Variants in SCD5 observed in about 807,000 individuals in gnomAD.
The protein encoded by SCD5 is acyl-CoA-desaturase 4.
SCD5 carries 20 observed loss-of-function variants against 30.4 expected under a neutral mutation model. The observed-to-expected ratio is 0.66, with a 90% CI of 0.46 to 0.96. SCD5 has a LOEUF of 0.96. Ranked by LOEUF, SCD5 falls within the 40% of genes least tolerant of loss-of-function variation. The pLI, the probability that SCD5 is intolerant of heterozygous loss-of-function variation, is 0.00. For synonymous variants in SCD5, 173 were observed against 176.4 expected (o/e 0.98, Z 0.16); for missense variants, 381 against 443.3 (o/e 0.86, Z 1.26).
At chr4:82,667,125 A>G (rs1227622605) in intron 3 of SCD5, among the ~76,000 whole-genome samples, 1 of 152,168 alleles carries the variant, frequency 6.6e-6, no homozygotes, top group African/African-American at 2.4e-5. Context: ...TAATATGTTT[A>G]CCATGCTAGT....
chr4:82,686,818 CA>C (rs33949953), intron 2 of SCD5, among the ~76,000 whole-genome samples: 141,611 of 152,014 alleles, frequency 0.93, 66,016 homozygotes, highest in East Asian at 1. Context: ...AACTAATTAA[CA>C]AAAAAAAGGC....
At chr4:82,709,884 G>A (rs998328873) in intron 1 of SCD5, among the ~76,000 whole-genome samples, 2 of 152,190 alleles carry the variant, frequency 1.3e-5, no homozygotes, top group Non-Finnish European at 2.9e-5. Context: ...ACTCACTGAC[G>A]GCCTGCCCTG....
chr4:82,794,268 A>C (rs1722160653), intron 1 of SCD5, among the ~76,000 whole-genome samples: 1 of 152,214 alleles, frequency 6.6e-6, no homozygotes, highest in Non-Finnish European at 1.5e-5. Flanking sequence ...CTGATCTATC[A>C]AAGGAAACAG....
chr4:82,738,731 A>G (rs1720806349), intron 1 of SCD5, among the ~76,000 whole-genome samples: 1 of 152,238 alleles, frequency 6.6e-6, no homozygotes, highest in Admixed American at 6.5e-5. Context: ...TCTCCACTGT[A>G]GTAGATACAA....
At chr4:82,711,109 G>A (rs1320295134) in intron 1 of SCD5, among the ~76,000 whole-genome samples, 2 of 152,102 alleles carry the variant, frequency 1.3e-5, no homozygotes, top group East Asian at 1.9e-4. Context: ...AATTGGAACC[G>A]TGCCTGGCAA....
At chr4:82,678,874 A>C (rs1728490925) in intron 3 of SCD5, among the ~76,000 whole-genome samples, 1 of 152,160 alleles carries the variant, frequency 6.6e-6, no homozygotes, top group Admixed American at 6.5e-5. Context: ...CATAGTGAAA[A>C]TCAACGTCAA....
intron 2 of SCD5, among the ~76,000 whole-genome samples, chr4:82,684,655 A>T (rs923768753): frequency 6.6e-6 from 1 of 152,148 alleles, no homozygotes; most frequent in African/African-American, 2.4e-5. Flanking sequence ...ATTAATGAGG[A>T]GGGAGAGATG....
chr4:82,636,469 C>A, intron 4 of SCD5, 122 bp downstream of exon 4: 1 of 636,638 alleles, frequency 1.6e-6, no homozygotes, highest in Non-Finnish European at 2.6e-6. Flanking sequence ...AAAAAAAAAG[C>A]TCAAGTTCAC....
intron 1 of SCD5, among the ~76,000 whole-genome samples, chr4:82,754,890 C>T (rs1222283363): frequency 6.6e-6 from 1 of 152,096 alleles, no homozygotes; most frequent in Non-Finnish European, 1.5e-5. Flanking sequence ...CAGAGCTGAG[C>T]CTCAGGAGTC....
At chr4:82,653,676 T>TGATAGATAGATGATAGATA (rs1727802335) in intron 3 of SCD5, among the ~76,000 whole-genome samples, 2 of 136,556 alleles carry the variant, frequency 1.5e-5, no homozygotes, top group African/African-American at 2.8e-5. Flanking sequence ...TGAAAGTCAA[T>TGATAGATAGATGATAGATA]GATAGATAGA....
chr4:82,643,792 G>T (rs1053031408), intron 3 of SCD5, among the ~76,000 whole-genome samples: 2 of 152,166 alleles, frequency 1.3e-5, no homozygotes, highest in Non-Finnish European at 2.9e-5. Flanking sequence ...AGAGCACAGG[G>T]GCAGAAATCA....
At chr4:82,790,379 C>T (rs200512512) in intron 1 of SCD5, among the ~76,000 whole-genome samples, 21 of 152,342 alleles carry the variant, frequency 1.4e-4, no homozygotes, top group East Asian at 1.9e-4. Flanking sequence ...TCCCTCTCCA[C>T]GTTATGTTCC....
intron 1 of SCD5, among the ~76,000 whole-genome samples, chr4:82,793,614 G>A (rs1282348969): frequency 6.6e-6 from 1 of 152,172 alleles, no homozygotes; most frequent in Non-Finnish European, 1.5e-5. Flanking sequence ...AAGAAAAGGG[G>A]CCAGTATTAG....
intron 3 of SCD5, among the ~76,000 whole-genome samples, chr4:82,647,574 G>T (rs578196214): frequency 1.1e-4 from 17 of 152,276 alleles, no homozygotes; most frequent in African/African-American, 3.9e-4. Context: ...ACAACAATGT[G>T]CTCTAAAGGT....
Position 82,787,797 on chromosome 4 carries a change from A to G in SCD5, c.232+10509T>C, listed in dbSNP as rs115609468. On this transcript the variant is annotated intron_variant, in intron 1 of 4. Transcript: ENST00000319540. ...TAAGCCCAACACTTTGGGAGGCTGA[A>G]GTGGAAGGATCATTTGAGGCTAGGA... 4.7e-3 allele frequency among the ~76,000 whole-genome samples: 716 copies of G among 152,238 alleles called. 3 individuals carry two copies. The highest frequency in any genetic ancestry group is 8.1e-3 in the Non-Finnish European group (549 of 68,004).
chr4:82,689,537 A>C (rs1312505498), intron 2 of SCD5, among the ~76,000 whole-genome samples: 1 of 152,234 alleles, frequency 6.6e-6, no homozygotes, highest in African/African-American at 2.4e-5. Flanking sequence ...TGGAAAAAGC[A>C]AACTTTTCTT....
At chr4:82,650,195 G>A (rs976085989) in intron 3 of SCD5, among the ~76,000 whole-genome samples, 1 of 152,192 alleles carries the variant, frequency 6.6e-6, no homozygotes, top group African/African-American at 2.4e-5. Context: ...AACTGGCTCA[G>A]TAAATAGAAA....
intron 3 of SCD5, among the ~76,000 whole-genome samples, chr4:82,656,970 TA>T (rs1421448163): frequency 8.5e-5 from 13 of 152,360 alleles, no homozygotes; most frequent in African/African-American, 2.9e-4. Flanking sequence ...TAAATTTGTT[TA>T]AGTTCTTTGT....
At chr4:82,687,080 A>C (rs1049614845) in intron 2 of SCD5, among the ~76,000 whole-genome samples, 1 of 151,594 alleles carries the variant, frequency 6.6e-6, no homozygotes, top group Non-Finnish European at 1.5e-5. Flanking sequence ...CTGAGGCAGG[A>C]GAATCGCTTG....
Sources: allele counts gnomAD v4.1 joint callset (sites outside exome capture counted in the v4.1 genomes callset), GRCh38; gene constraint gnomAD v4.1.1; transcripts MANE v1.5; gene names NCBI Gene and HGNC (gene_info 2026-07-23, HGNC 2026-07-21).